Variants in FOXP2 observed in about 807,000 individuals in gnomAD.
FOXP2 encodes the protein forkhead box protein P2.
Under a neutral mutation model 115.8 loss-of-function variants are expected in FOXP2, and 12 were observed. The observed-to-expected ratio is 0.10, with a 90% CI of 0.07 to 0.17. The LOEUF (loss-of-function observed/expected upper bound fraction) is 0.17. Ranked by LOEUF, FOXP2 falls within the 10% of genes least tolerant of loss-of-function variation. The probability of loss-of-function intolerance (pLI) is 1.00; values close to 1 mark genes in which losing one functional copy is unlikely to be tolerated. For missense variants in FOXP2, 629 were observed against 843.5 expected (o/e 0.75, Z 3.15); for synonymous variants, 328 against 297.7 (o/e 1.10, Z -1.05).
chr7:114,489,165 C>T (rs956725256), intron 2 of FOXP2, among the ~76,000 whole-genome samples: 1 of 152,124 alleles, frequency 6.6e-6, no homozygotes, highest in Non-Finnish European at 1.5e-5. Flanking sequence ...GATAACACCA[C>T]ATTTTTAAGA....
chr7:114,362,640 GT>G (rs1791780485), intron 2 of FOXP2, among the ~76,000 whole-genome samples: 1 of 152,018 alleles, frequency 6.6e-6, no homozygotes, highest in African/African-American at 2.4e-5. Context: ...TGGTCTAGTG[GT>G]TTTGATAATT....
At chr7:114,625,562 A>T (rs1804515789) in intron 3 of FOXP2, among the ~76,000 whole-genome samples, 1 of 151,756 alleles carries the variant, frequency 6.6e-6, no homozygotes, top group South Asian at 2.1e-4. Context: ...ATCTTTATTC[A>T]TTTTTATCAA....
chr7:114,233,736 G>A (rs900007582), intron 1 of FOXP2, among the ~76,000 whole-genome samples: 5 of 152,184 alleles, frequency 3.3e-5, no homozygotes, highest in African/African-American at 1.2e-4. Flanking sequence ...GCAGTGGCTG[G>A]GCATGGTGGC....
rs1268832968 is a variant in FOXP2, at chr7:114,395,426, T to C, written c.-10-31076T>C. ...CAGAGGTTTGGGAAGTATTGAAGTG[T>C]ATAGGTTGGCTCAAGCATGGGGTTT... On this transcript the variant is annotated intron_variant, in intron 2 of 17. Coordinates refer to the FOXP2 transcript ENST00000634411. 2.0e-5 allele frequency among the ~76,000 whole-genome samples: 3 copies of C among 152,150 alleles called. No homozygotes were observed. In the East Asian group the frequency reaches 5.8e-4, roughly 29 times the overall value.
chr7:114,656,373 A>G (rs931749478), intron 10 of FOXP2: 4 of 209,966 alleles, frequency 1.9e-5, no homozygotes, highest in African/African-American at 9.5e-5. Context: ...TTAACATACA[A>G]GTATGTAATG....
Position 114,690,415 on chromosome 7 carries a change from C to G in FOXP2, c.*489C>G. The G allele has an allele frequency of 2.2e-6, 1 of 453,890 alleles. No individual in the cohort carries two copies. The allele number at this position is 453,890 out of a possible 1,614,324, so 28.1% of individuals were successfully genotyped here. ...TTGTTGCTATTGTTTTTAATTTGCA[C>G]AGGAGTAGTATCAGAAATTAGTGTC... On this transcript the variant is annotated 3_prime_UTR_variant, in exon 17 of 17. Coordinates refer to ENST00000350908, the MANE Select transcript of FOXP2 (RefSeq NM_014491.4).
At chr7:114,363,328 G>C (rs886760747) in intron 2 of FOXP2, among the ~76,000 whole-genome samples, 1 of 152,032 alleles carries the variant, frequency 6.6e-6, no homozygotes, top group Non-Finnish European at 1.5e-5. Flanking sequence ...GGAAGCTCAG[G>C]GTTGTGAATA....
intron 3 of FOXP2, among the ~76,000 whole-genome samples, chr7:114,611,452 A>G (rs187354090): frequency 6.6e-6 from 1 of 152,142 alleles, no homozygotes; most frequent in Non-Finnish European, 1.5e-5. Flanking sequence ...TTTCAAAAAA[A>G]TTTTTTGAGT....
chr7:114,155,857 G>A (rs993220860), intron 1 of FOXP2, among the ~76,000 whole-genome samples: 1 of 152,050 alleles, frequency 6.6e-6, no homozygotes, highest in Non-Finnish European at 1.5e-5. Context: ...TCAAATGTGC[G>A]GTTTGACCTT....
rs541926807 is a variant in FOXP2 at position 114,291,430 on chromosome 7, T to C, written c.-11+3321T>C. 3.9e-5 allele frequency among the ~76,000 whole-genome samples: 6 copies of C among 152,308 alleles called. No homozygotes were observed. The East Asian group carries it at 1.2e-3, about 29-fold the overall frequency. ...CACAAATATTCAGTGTATTGCATTATGTACCTGTGCTCTCTGTGTTTGGTT... is the reference window on the plus strand; with the variant it reads ...CACAAATATTCAGTGTATTGCATTACGTACCTGTGCTCTCTGTGTTTGGTT... On this transcript the variant is annotated intron_variant, in intron 2 of 17. Coordinates refer to the FOXP2 transcript ENST00000634411.
At chr7:114,586,402 G>A (rs1370917204) in intron 3 of FOXP2, among the ~76,000 whole-genome samples, 2 of 152,036 alleles carry the variant, frequency 1.3e-5, no homozygotes, top group African/African-American at 4.8e-5. Context: ...TTTATTGGAA[G>A]TGTTTTAGTA....
At chr7:114,189,435 T>G (rs1793698020) in intron 1 of FOXP2, among the ~76,000 whole-genome samples, 1 of 152,180 alleles carries the variant, frequency 6.6e-6, no homozygotes, top group African/African-American at 2.4e-5. Flanking sequence ...TAAAATTATA[T>G]GTGGAAATAA....
At chr7:114,502,685 A>T (rs1252582496) in intron 2 of FOXP2, among the ~76,000 whole-genome samples, 2 of 152,176 alleles carry the variant, frequency 1.3e-5, no homozygotes, top group South Asian at 2.1e-4. Flanking sequence ...TTACTCAAAA[A>T]GTGCAAGGTT....
intron 2 of FOXP2, among the ~76,000 whole-genome samples, chr7:114,309,041 G>A (rs568061351): frequency 1.3e-5 from 2 of 152,250 alleles, no homozygotes; most frequent in Admixed American, 1.3e-4. Context: ...TTTTCAGAAT[G>A]TATTTTTAAG....
intron 2 of FOXP2, among the ~76,000 whole-genome samples, chr7:114,406,366 C>G (rs977708825): frequency 1.3e-5 from 2 of 151,866 alleles, no homozygotes; most frequent in Non-Finnish European, 2.9e-5. Flanking sequence ...AACATTAGCT[C>G]AACTCAAAGT....
At chr7:114,567,380 G>A (rs905289637) in intron 3 of FOXP2, among the ~76,000 whole-genome samples, 25 of 151,970 alleles carry the variant, frequency 1.6e-4, no homozygotes, top group African/African-American at 5.8e-4. Flanking sequence ...TTTTGCTCAA[G>A]GTCACACCAC....
chr7:114,156,437 A>T (rs1324720958), intron 1 of FOXP2, among the ~76,000 whole-genome samples: 1 of 152,084 alleles, frequency 6.6e-6, no homozygotes, highest in Non-Finnish European at 1.5e-5. Context: ...CTTAACCCAG[A>T]TATTCCTTTC....
chr7:114,176,185 TCTTG>T (rs1334160675), intron 1 of FOXP2, among the ~76,000 whole-genome samples: 2 of 4,990 alleles, frequency 4.0e-4, no homozygotes, highest in Non-Finnish European at 8.9e-4. Context: ...TCTTTTCTTG[TCTTG>T]TCTTGTCTTG....
At position 114,302,554 on chromosome 7, in the gene FOXP2, T is replaced by A. The variant is rs182432458; in HGVS notation, c.-11+14445T>A. ...GAGACAGTATTTAAACTTAAGCAGT[T>A]TGGTTTCAGAATCTGTAATTTTAAC... On this transcript the variant is annotated intron_variant, in intron 2 of 17. Transcript: ENST00000634411. Among the ~76,000 whole-genome samples the A allele has an allele frequency of 3.9e-3, 599 of 152,284 alleles. 7 individuals are homozygous for A. Among genetic ancestry groups the A allele is most frequent in the African/African-American group, 0.014 (578 of 41,572 alleles).
Sources: gnomAD v4.1 joint callset for allele counts (sites outside exome capture counted in the v4.1 genomes callset) on GRCh38, gnomAD v4.1.1 for gene constraint, MANE v1.5 for transcripts, NCBI Gene and HGNC (gene_info 2026-07-23, HGNC 2026-07-21) for gene names.